The following TINAG variants were observed in gnomAD, a reference collection of about 807,000 sequenced individuals.
The protein encoded by TINAG is tubulointerstitial nephritis antigen.
A neutral mutation model predicts 72.7 loss-of-function variants in TINAG; 83 were observed. The ratio of observed to expected loss-of-function variants is 1.14; its 90% confidence interval spans 0.96 to 1.37. TINAG has a LOEUF of 1.37. Among genes scored for constraint, TINAG ranks in the 40% most tolerant of loss-of-function variants. The pLI is 0.00. For synonymous variants in TINAG, 234 were observed against 189.9 expected (o/e 1.23, Z -1.91); for missense variants, 685 against 576.6 (o/e 1.19, Z -1.93).
At chr6:54,374,160 A>G (rs1188317040) in intron 9 of TINAG, among the ~76,000 whole-genome samples, 1 of 152,120 alleles carries the variant, frequency 6.6e-6, no homozygotes, top group Non-Finnish European at 1.5e-5. Context: ...GCTTCCTGAT[A>G]CATCAGGATA....
chr6:54,341,732 A>G (rs1784999970), intron 4 of TINAG, among the ~76,000 whole-genome samples: 2 of 152,156 alleles, frequency 1.3e-5, no homozygotes, highest in Non-Finnish European at 2.9e-5. Flanking sequence ...TCAAGGCACA[A>G]TCACAAAACT....
chr6:54,360,243 C>G (rs915969288), intron 9 of TINAG, among the ~76,000 whole-genome samples: 1 of 151,812 alleles, frequency 6.6e-6, no homozygotes, highest in East Asian at 1.9e-4. Flanking sequence ...TCCCCCCTCT[C>G]TCTTCCCTTT....
rs536676319 is a variant in TINAG at position 54,378,516 on chromosome 6, T to A, written c.1251-2010T>A. On this transcript the variant is annotated intron_variant, in intron 9 of 10. Coordinates refer to ENST00000259782, the MANE Select transcript of TINAG (RefSeq NM_014464.4). ...GCAAGAATTATTCTTGTCTTTTGCA[T>A]CATTGAAATTATTTTTTGGAAAATT... 8.9e-4 allele frequency among the ~76,000 whole-genome samples: 135 copies of A among 152,292 alleles called. 1 individual carries two copies. The highest frequency in any genetic ancestry group is 3.2e-3 in the African/African-American group (132 of 41,574).
chr6:54,362,879 C>G (rs1763283280), intron 9 of TINAG, among the ~76,000 whole-genome samples: 1 of 151,426 alleles, frequency 6.6e-6, no homozygotes, highest in African/African-American at 2.4e-5. Flanking sequence ...GAGAAAGAAA[C>G]TGCAGATGTG....
intron 4 of TINAG, among the ~76,000 whole-genome samples, chr6:54,340,824 C>T (rs988762726): frequency 9.9e-5 from 15 of 151,918 alleles, no homozygotes; most frequent in Admixed American, 2.0e-4. Flanking sequence ...TATATTTTTT[C>T]ATTTTTAAAG....
At chr6:54,372,741 T>C (rs1011415243) in intron 9 of TINAG, among the ~76,000 whole-genome samples, 2 of 6,716 alleles carry the variant, frequency 3.0e-4, no homozygotes, top group Admixed American at 8.6e-4. Context: ...TATATATATA[T>C]ATATATATAT....
intron 1 of TINAG, among the ~76,000 whole-genome samples, chr6:54,316,293 G>A (rs945859573): frequency 1.3e-5 from 2 of 152,056 alleles, no homozygotes; most frequent in Non-Finnish European, 2.9e-5. Context: ...GGGATACAAG[G>A]GTGGTATGTG....
At chr6:54,388,788 C>T (rs909294675) in intron 10 of TINAG, among the ~76,000 whole-genome samples, 1 of 151,978 alleles carries the variant, frequency 6.6e-6, no homozygotes, top group African/African-American at 2.4e-5. Flanking sequence ...CCAATCCAAC[C>T]ATTTTTGCAT....
rs77594342 is a variant in TINAG at position 54,341,875 on chromosome 6, T to C, written c.625-1351T>C. Among the ~76,000 whole-genome samples the C allele has an allele frequency of 8.9e-3, 1,355 of 152,282 alleles. 30 individuals are homozygous for C. The highest frequency in any genetic ancestry group is 0.053 in the East Asian group (275 of 5,178). ...CTGAGTGTAGTCCTAGGAGCATTTC[T>C]TGTTTAGCTGAGGGACTCAACATGT... is the stretch of plus-strand genomic sequence containing the variant. On this transcript the variant is annotated intron_variant, in intron 4 of 10. Coordinates refer to ENST00000259782, the MANE Select transcript of TINAG (RefSeq NM_014464.4).
At chr6:54,371,835 A>G (rs1763617162) in intron 9 of TINAG, among the ~76,000 whole-genome samples, 1 of 152,086 alleles carries the variant, frequency 6.6e-6, no homozygotes, top group African/African-American at 2.4e-5. Context: ...GGGAAATACC[A>G]AGGACAGATG....
intron 9 of TINAG, among the ~76,000 whole-genome samples, chr6:54,379,794 A>G (rs533616814): frequency 6.8e-4 from 103 of 151,670 alleles, no homozygotes; most frequent in African/African-American, 2.4e-3. Flanking sequence ...TTTTTTTAAT[A>G]TTATACTTCA....
intron 10 of TINAG, among the ~76,000 whole-genome samples, chr6:54,385,046 A>G (rs769873359): frequency 7.3e-4 from 111 of 152,302 alleles, no homozygotes; most frequent in Non-Finnish European, 7.5e-4. Context: ...AAATGCATGC[A>G]TTGGAAAAGA....
At chr6:54,358,293 A>G (rs1013634089) in intron 9 of TINAG, among the ~76,000 whole-genome samples, 2 of 151,836 alleles carry the variant, frequency 1.3e-5, no homozygotes, top group Non-Finnish European at 2.9e-5. Context: ...ACAGTGTATA[A>G]TTTAATTAGC....
At chr6:54,347,862 T>C (rs536428366) in intron 6 of TINAG, among the ~76,000 whole-genome samples, 37 of 152,222 alleles carry the variant, frequency 2.4e-4, no homozygotes, top group African/African-American at 8.4e-4. Flanking sequence ...CTGCTGTGCT[T>C]TTCAGTTACC....
At chr6:54,381,761 T>C (rs572128414) in intron 10 of TINAG, among the ~76,000 whole-genome samples, 12 of 152,270 alleles carry the variant, frequency 7.9e-5, no homozygotes, top group African/African-American at 2.6e-4. Context: ...AGTTTCTGCA[T>C]AGGATTTTTA....
chr6:54,344,988 C>T (rs1785086899), intron 5 of TINAG, among the ~76,000 whole-genome samples: 1 of 152,078 alleles, frequency 6.6e-6, no homozygotes, highest in Admixed American at 6.6e-5. Context: ...ATAAATAAGA[C>T]TTAAAAATAT....
At chr6:54,389,089 A>G (rs1582769952) in intron 10 of TINAG, among the ~76,000 whole-genome samples, 1 of 152,070 alleles carries the variant, frequency 6.6e-6, no homozygotes, top group East Asian at 1.9e-4. Context: ...CTCCCCTTCC[A>G]GCCTCATAAC....
intron 4 of TINAG, among the ~76,000 whole-genome samples, chr6:54,331,149 G>T (rs992631383): frequency 2.6e-5 from 4 of 151,832 alleles, no homozygotes; most frequent in African/African-American, 9.7e-5. Context: ...GCAGAGACAC[G>T]ACAAAAAACA....
At chr6:54,335,809 C>A (rs1390366032) in intron 4 of TINAG, among the ~76,000 whole-genome samples, 1 of 152,072 alleles carries the variant, frequency 6.6e-6, no homozygotes, top group African/African-American at 2.4e-5. Flanking sequence ...ACACTTTTCC[C>A]CAACTTTTAA....
Sources: allele counts gnomAD v4.1 joint callset (sites outside exome capture counted in the v4.1 genomes callset), GRCh38; gene constraint gnomAD v4.1.1; transcripts MANE v1.5; gene names NCBI Gene and HGNC (gene_info 2026-07-23, HGNC 2026-07-21).